RALGAPA1: variants seen among roughly 807,000 people sequenced by gnomAD.
RALGAPA1 encodes the protein ral GTPase-activating protein subunit alpha-1.
A neutral mutation model predicts 269.6 loss-of-function variants in RALGAPA1; 52 were observed. The ratio of observed to expected loss-of-function variants is 0.19; its 90% CI spans 0.15 to 0.24. The LOEUF is 0.24. Ranked by LOEUF, RALGAPA1 falls within the 10% of genes least tolerant of loss-of-function variation. The probability of loss-of-function intolerance (pLI) is 1.00; values close to 1 mark genes in which losing one functional copy is unlikely to be tolerated. For synonymous variants in RALGAPA1, 817 were observed against 1,008.3 expected, an observed-to-expected ratio of 0.81 and a Z score of 3.60; for missense variants, 1,917 against 3,013.9, an observed-to-expected ratio of 0.64 and a Z score of 8.52.
intron 34 of RALGAPA1, among the ~76,000 whole-genome samples, chr14:35,625,878 G>A (rs534202153): frequency 7.2e-5 from 11 of 152,218 alleles, no homozygotes; most frequent in Non-Finnish European, 1.2e-4. Flanking sequence ...AGACTACAAA[G>A]CAGTGAATAA....
At chr14:35,741,504 T>A (rs1316834434) in intron 11 of RALGAPA1, among the ~76,000 whole-genome samples, 1 of 151,950 alleles carries the variant, frequency 6.6e-6, no homozygotes, top group Non-Finnish European at 1.5e-5. Context: ...GCTCATCAAA[T>A]CCCTACAGAA....
chr14:35,719,239 T>C (rs1050645622), intron 16 of RALGAPA1, among the ~76,000 whole-genome samples: 1 of 152,108 alleles, frequency 6.6e-6, no homozygotes, highest in African/African-American at 2.4e-5. Flanking sequence ...GTCAGGAGAA[T>C]CACTTGAACC....
At chr14:35,751,225 A>G in intron 8 of RALGAPA1, among the ~76,000 whole-genome samples, 1 of 152,218 alleles carries the variant, frequency 6.6e-6, no homozygotes, top group African/African-American at 2.4e-5. Flanking sequence ...AATAATTATT[A>G]AAAGTAATTG....
At chr14:35,579,352 C>T (rs779208293) in intron 37 of RALGAPA1, among the ~76,000 whole-genome samples, 9 of 152,080 alleles carry the variant, frequency 5.9e-5, no homozygotes, top group African/African-American at 1.4e-4. Flanking sequence ...TATTCCCGGC[C>T]GGGCACAGTG....
chr14:35,762,558 T>C (rs2073815323), intron 5 of RALGAPA1, 152 bp downstream of exon 5: 2 of 697,108 alleles, frequency 2.9e-6, no homozygotes, highest in Admixed American at 4.7e-5. Flanking sequence ...ACCCAGCCTC[T>C]TGCTACATTT....
intron 27 of RALGAPA1, among the ~76,000 whole-genome samples, chr14:35,662,273 GA>G (rs2063588762): frequency 1.3e-5 from 2 of 152,140 alleles, no homozygotes; most frequent in Admixed American, 1.3e-4. Flanking sequence ...GAGGAGAGCA[GA>G]ATTATACATA....
chr14:35,628,877 G>A (rs1360250484), intron 33 of RALGAPA1, among the ~76,000 whole-genome samples: 1 of 151,912 alleles, frequency 6.6e-6, no homozygotes, highest in Non-Finnish European at 1.5e-5. Flanking sequence ...ATATTCATAC[G>A]AGTAACTAAA....
At chr14:35,666,984 T>C (rs2063997317) in intron 26 of RALGAPA1, among the ~76,000 whole-genome samples, 1 of 152,240 alleles carries the variant, frequency 6.6e-6, no homozygotes, top group Non-Finnish European at 1.5e-5. Flanking sequence ...AGTACTCTGA[T>C]TGTACTATAA....
rs1308238325 is a variant in RALGAPA1 at position 35,664,692 on chromosome 14, G to A, written c.5278C>T (p.Leu1760Phe). The change falls in exon 27 of 42, where the codon CTT (leucine) becomes TTT (phenylalanine). Residue 1760 changes from leucine (L) to phenylalanine (F), a missense_variant. Leu to Phe is a conservative substitution (Grantham distance 22). Around this residue, in one of 11 missense-constraint regions of RALGAPA1, gnomAD observed 346 missense variants for 566.1 expected, o/e 0.61. Transcript: ENST00000680220. ...GCAACATCAGGAATGTTGGGATGAA[G>A]AGAAGGCAGTTCACAATATAAGTTG... ...FPNLYCELPS[L>F]HPNIPDVAVS... 1.2e-6 allele frequency: 2 copies of A among 1,612,706 alleles called. No homozygotes were observed. The highest frequency in any genetic ancestry group is 3.3e-5 in the Admixed American group (2 of 59,892).
chr14:35,743,099 T>C (rs2071720469), intron 10 of RALGAPA1, among the ~76,000 whole-genome samples: 1 of 151,834 alleles, frequency 6.6e-6, no homozygotes, highest in Non-Finnish European at 1.5e-5. Flanking sequence ...CTGTAGTACC[T>C]AGAGAAAACC....
At chr14:35,555,812 T>C (rs1166224621) in intron 39 of RALGAPA1, among the ~76,000 whole-genome samples, 1 of 152,214 alleles carries the variant, frequency 6.6e-6, no homozygotes, top group East Asian at 1.9e-4. Context: ...TTTTAATTAA[T>C]AGTCCAATGC....
intron 39 of RALGAPA1, among the ~76,000 whole-genome samples, chr14:35,561,775 G>A (rs2056284302): frequency 6.6e-6 from 1 of 152,048 alleles, no homozygotes; most frequent in African/African-American, 2.4e-5. Context: ...CTCCCAAAGT[G>A]CTGGTATTAC....
Position 35,664,715 on chromosome 14 carries a change from T to C in RALGAPA1, c.5255A>G (p.Asn1752Ser), listed in dbSNP as rs149260533. 5.4e-5 allele frequency: 87 copies of C among 1,612,854 alleles called. No homozygotes were observed. The highest frequency in any genetic ancestry group is 1.1e-4 in the African/African-American group (8 of 74,876). Reference protein sequence around the residue: ...VLLGSLVCFPNLYCELPSLHP... With the variant: ...VLLGSLVCFPSLYCELPSLHP... ...AAGAGAAGGCAGTTCACAATATAAG[T>C]TGGGAAAGCAAACCAAAGATCCCAG... The change falls in exon 27 of 42, where the codon AAC (asparagine) becomes AGC (serine). Residue 1752 changes from asparagine to serine, a missense_variant. Transcript: ENST00000680220.
At chr14:35,792,807 AAGAAAGAAAG>A (rs1421599918) in intron 1 of RALGAPA1, among the ~76,000 whole-genome samples, 41 of 141,604 alleles carry the variant, frequency 2.9e-4, no homozygotes, top group South Asian at 2.2e-4. Flanking sequence ...AAGAAAGAGA[AAGAAAGAAAG>A]AGAAAGAAAG....
chr14:35,796,911 C>A (rs567039711), intron 1 of RALGAPA1, among the ~76,000 whole-genome samples: 19 of 152,168 alleles, frequency 1.2e-4, no homozygotes, highest in African/African-American at 3.4e-4. Context: ...CCTCAGCCAC[C>A]TGAGTAGCTG....
intron 7 of RALGAPA1, among the ~76,000 whole-genome samples, chr14:35,755,641 C>A (rs1176180076): frequency 6.6e-6 from 1 of 152,114 alleles, no homozygotes. Flanking sequence ...GCATGCTATG[C>A]ATTATTTTAT....
At chr14:35,731,695 GA>G (rs2070491102) in intron 12 of RALGAPA1, among the ~76,000 whole-genome samples, 1 of 152,030 alleles carries the variant, frequency 6.6e-6, no homozygotes, top group Admixed American at 6.6e-5. Flanking sequence ...AAAGAAAAAA[GA>G]ATAAGAAAAT....
At chr14:35,764,087 GTTC>G in intron 4 of RALGAPA1, among the ~76,000 whole-genome samples, 1 of 138,238 alleles carries the variant, frequency 7.2e-6, no homozygotes. Context: ...CAATTTAGTT[GTTC>G]TTTTTTTTTT....
intron 6 of RALGAPA1, among the ~76,000 whole-genome samples, chr14:35,759,708 G>A (rs560422263): frequency 1.3e-5 from 2 of 151,836 alleles, no homozygotes; most frequent in Middle Eastern, 3.4e-3. Flanking sequence ...TCAGGAGTTC[G>A]AGACCAGCTT....
Sources: allele counts gnomAD v4.1 joint callset (sites outside exome capture counted in the v4.1 genomes callset), GRCh38; gene constraint gnomAD v4.1.1; regional missense constraint gnomAD v4.1.1; transcripts MANE v1.5; gene names NCBI Gene and HGNC (gene_info 2026-07-23, HGNC 2026-07-21).